The following CNTN5 variants were observed in gnomAD, a reference collection of about 807,000 sequenced individuals.
CNTN5 encodes the protein contactin 5, also known as contactin-5.
CNTN5 carries 77 observed loss-of-function variants against 129.1 expected under a neutral mutation model. The observed-to-expected ratio is 0.60, with a 90% confidence interval of 0.50 to 0.72. CNTN5 has a LOEUF of 0.72. Ranked by LOEUF, CNTN5 falls within the 30% of genes least tolerant of loss-of-function variation. CNTN5 has a pLI of 0.00. For synonymous variants in CNTN5, 509 were observed against 465.6 expected, an observed-to-expected ratio of 1.09 and a Z score of -1.20; for missense variants, 1,478 against 1,328.8, an observed-to-expected ratio of 1.11 and a Z score of -1.75.
intron 9 of CNTN5, among the ~76,000 whole-genome samples, chr11:100,029,799 A>G (rs934780547): frequency 1.1e-4 from 16 of 152,152 alleles, no homozygotes; most frequent in African/African-American, 3.4e-4. Flanking sequence ...GTTTAATTTT[A>G]AACAGTTAAA....
In CNTN5 at chr11:99,616,971, C is replaced by T. The variant is rs552893011; in HGVS notation, c.55+60702C>T. On this transcript the variant is annotated intron_variant, in intron 3 of 24. Coordinates refer to ENST00000524871, the MANE Select transcript of CNTN5 (RefSeq NM_014361.4). ...ACTAAAAATATAAAAATTAGCTGGG[C>T]GTGGTGGCACGTGCCTGTAATCCCA... Among the ~76,000 whole-genome samples the T allele has an allele frequency of 3.3e-5, 5 of 152,148 alleles. No homozygotes were observed. In the South Asian group the frequency reaches 1.0e-3, roughly 32 times the overall value.
At chr11:99,248,585 T>C (rs1315869795) in intron 1 of CNTN5, among the ~76,000 whole-genome samples, 2 of 152,238 alleles carry the variant, frequency 1.3e-5, no homozygotes, top group South Asian at 4.1e-4. Context: ...CTAGGATTTT[T>C]ATGGTTTTAG....
intron 8 of CNTN5, among the ~76,000 whole-genome samples, chr11:99,972,930 CTGAG>C (rs67471416): frequency 0.057 from 8,651 of 152,140 alleles, 273 homozygotes; most frequent in Non-Finnish European, 0.076. Flanking sequence ...GTAAAATGTA[CTGAG>C]TGTTTCCGTA....
At chr11:99,717,673 C>G (rs948417725) in intron 3 of CNTN5, among the ~76,000 whole-genome samples, 1 of 151,814 alleles carries the variant, frequency 6.6e-6, no homozygotes, top group Non-Finnish European at 1.5e-5. Flanking sequence ...ATGGATGTCT[C>G]CATAATCTGT....
chr11:99,243,498 G>A (rs907923364), intron 1 of CNTN5, among the ~76,000 whole-genome samples: 1 of 151,918 alleles, frequency 6.6e-6, no homozygotes, highest in African/African-American at 2.4e-5. Context: ...AGTTTTTGTT[G>A]CAGTTGCTCT....
At chr11:99,755,611 A>G (rs1944380738) in intron 3 of CNTN5, among the ~76,000 whole-genome samples, 1 of 151,882 alleles carries the variant, frequency 6.6e-6, no homozygotes, top group South Asian at 2.1e-4. Context: ...ATTTTGGATG[A>G]CAGTTCCTTT....
At chr11:99,991,867 A>G (rs1939122616) in intron 8 of CNTN5, among the ~76,000 whole-genome samples, 1 of 152,168 alleles carries the variant, frequency 6.6e-6, no homozygotes, top group Admixed American at 6.5e-5. Context: ...TGTGAACAGG[A>G]CAAAGGGGTA....
chr11:99,622,793 A>G (rs747712106), intron 3 of CNTN5, among the ~76,000 whole-genome samples: 14 of 151,394 alleles, frequency 9.2e-5, no homozygotes, highest in Non-Finnish European at 1.9e-4. Flanking sequence ...TTGTTAATTG[A>G]TTTTTCCCCA....
chr11:99,573,675 G>T (rs1413736159), intron 3 of CNTN5, among the ~76,000 whole-genome samples: 1 of 152,012 alleles, frequency 6.6e-6, no homozygotes, highest in Non-Finnish European at 1.5e-5. Flanking sequence ...CTATTGCCAG[G>T]CCTGAGTGCG....
At chr11:99,519,445 G>GA (rs1565254149) in intron 2 of CNTN5, among the ~76,000 whole-genome samples, 1 of 151,982 alleles carries the variant, frequency 6.6e-6, no homozygotes, top group African/African-American at 2.4e-5. Flanking sequence ...TGAATGTGGG[G>GA]ATATGTGTGT....
chr11:99,563,635 A>G (rs1242693272), intron 3 of CNTN5, among the ~76,000 whole-genome samples: 1 of 152,146 alleles, frequency 6.6e-6, no homozygotes, highest in Non-Finnish European at 1.5e-5. Flanking sequence ...GGGCAGCCTC[A>G]GTTTATCTCT....
intron 16 of CNTN5, among the ~76,000 whole-genome samples, chr11:100,241,888 A>C (rs969243651): frequency 6.6e-6 from 1 of 152,210 alleles, no homozygotes; most frequent in Non-Finnish European, 1.5e-5. Context: ...CATTTGTTAC[A>C]AAACCTTACT....
rs553324050 is a variant in CNTN5, at chr11:100,000,505, C to G, written c.878-1529C>G. On this transcript the variant is annotated intron_variant, in intron 8 of 24. Coordinates refer to ENST00000524871, the MANE Select transcript of CNTN5 (RefSeq NM_014361.4). ...CCTGTGGTTCTGCAGGGCACAGCAC[C>G]TCTGGCTCTTTCATGGGCTGCCGTT... is the stretch of plus-strand genomic sequence containing the variant. Among the ~76,000 whole-genome samples, 68 of 152,338 alleles carry G rather than the reference C, an allele frequency of 4.5e-4. No individual in the cohort carries two copies. In the South Asian group the frequency reaches 0.014, roughly 31 times the overall value.
At chr11:99,125,809 T>G (rs79721254) in intron 1 of CNTN5, among the ~76,000 whole-genome samples, 9,390 of 152,262 alleles carry the variant, frequency 0.062, 319 homozygotes, top group African/African-American at 0.085. Context: ...GTTTAATATA[T>G]TCTCTTAAAT....
intron 1 of CNTN5, among the ~76,000 whole-genome samples, chr11:99,119,370 A>G (rs1382297164): frequency 1.3e-5 from 2 of 152,174 alleles, no homozygotes; most frequent in East Asian, 3.9e-4. Flanking sequence ...GCTCCCACTT[A>G]TAAAATGAGA....
chr11:100,187,799 T>A (rs1331988823), intron 13 of CNTN5, among the ~76,000 whole-genome samples: 1 of 152,084 alleles, frequency 6.6e-6, no homozygotes, highest in African/African-American at 2.4e-5. Context: ...AAAAATGGAT[T>A]AAAAATGTAA....
At chr11:100,001,929 G>A (rs539064721) in intron 8 of CNTN5, 105 bp from the exon 9 acceptor site, 4 of 776,582 alleles carry the variant, frequency 5.2e-6, no homozygotes, top group Non-Finnish European at 8.3e-6. Flanking sequence ...TCATCAAACA[G>A]ACATTAACAA....
chr11:100,107,446 C>T (rs1328984471), intron 13 of CNTN5, among the ~76,000 whole-genome samples: 3 of 150,544 alleles, frequency 2.0e-5, no homozygotes, highest in Admixed American at 6.6e-5. Context: ...CATTAGATTA[C>T]AGAATCACAG....
chr11:100,119,505 A>C (rs1945945635), intron 13 of CNTN5, among the ~76,000 whole-genome samples: 1 of 151,888 alleles, frequency 6.6e-6, no homozygotes, highest in South Asian at 2.1e-4. Flanking sequence ...AATACTTCCT[A>C]AAGGATGATT....
Sources: allele counts gnomAD v4.1 joint callset (sites outside exome capture counted in the v4.1 genomes callset), GRCh38; gene constraint gnomAD v4.1.1; transcripts MANE v1.5; gene names NCBI Gene and HGNC (gene_info 2026-07-23, HGNC 2026-07-21).